Variants in PHACTR3 observed in about 807,000 individuals in gnomAD.
The protein encoded by PHACTR3 is protein phosphatase 1, regulatory subunit 123.
Under a neutral mutation model 66.8 loss-of-function variants are expected in PHACTR3, and 16 were observed. That is an observed-to-expected ratio of 0.24 (90% CI 0.16 to 0.36). The LOEUF (loss-of-function observed/expected upper bound fraction) is 0.36. Among genes scored for constraint, PHACTR3 ranks in the 10% least tolerant of loss-of-function variants. PHACTR3 has a pLI of 1.00. For synonymous variants in PHACTR3, 323 were observed against 292.1 expected (o/e 1.11, Z -1.08); for missense variants, 647 against 719.9 (o/e 0.90, Z 1.16).
Position 59,834,863 on chromosome 20 carries a change from C to T in PHACTR3, c.1329-1642C>T, listed in dbSNP as rs554671467. ...CATCCAATCTTTCAGCTTCCCTGGG[C>T]CACACTGGAAGAATTGTCTTGAGCC... On this transcript the variant is annotated intron_variant, in intron 8 of 12. Transcript: ENST00000371015. 1.2e-4 allele frequency among the ~76,000 whole-genome samples: 19 copies of T among 152,292 alleles called. No individual in the cohort carries two copies. In the South Asian group the frequency reaches 3.7e-3, roughly 30 times the overall value.
In PHACTR3 at chr20:59,638,289, T is replaced by C. The variant is rs899655678; in HGVS notation, c.118+33157T>C. On this transcript the variant is annotated intron_variant, in intron 1 of 12. Coordinates refer to ENST00000371015, the MANE Select transcript of PHACTR3 (RefSeq NM_080672.5). ...CATAGCCTTGTGAGGACAGGGACAG[T>C]ATCCAGTTTGTTATCCATCCCTTAT... Among the ~76,000 whole-genome samples the C allele has an allele frequency of 7.9e-5, 12 of 152,344 alleles. No individual in the cohort carries two copies. In the East Asian group the frequency reaches 1.7e-3, roughly 22 times the overall value.
intron 1 of PHACTR3, among the ~76,000 whole-genome samples, chr20:59,660,483 C>A (rs2035773748): frequency 6.6e-6 from 1 of 152,132 alleles, no homozygotes; most frequent in Non-Finnish European, 1.5e-5. Context: ...GACAGCGAGA[C>A]TCCGTCTCAA....
chr20:59,635,152 T>TTC lies in PHACTR3; in HGVS notation c.118+30020_118+30021insTC, dbSNP rs1568948888. On this transcript the variant is annotated intron_variant, in intron 1 of 12. Transcript: ENST00000371015. ...CTTTCTTTCTTTCTTTCTTTCTTTT[T>TTC]CTTTCTTTCTTTCTTTCCTTTCTTT... Among the ~76,000 whole-genome samples the TTC allele has an allele frequency of 3.2e-3, 118 of 36,498 alleles. 2 individuals carry two copies. Among genetic ancestry groups the TTC allele is most frequent in the South Asian group, 9.0e-3 (11 of 1,222 alleles). The allele number at this position is 36,498 out of a possible 152,430, so 23.9% of individuals were successfully genotyped here.
intron 1 of PHACTR3, among the ~76,000 whole-genome samples, chr20:59,681,000 G>T (rs76063877): frequency 0.028 from 4,279 of 152,198 alleles, 80 homozygotes; most frequent in Middle Eastern, 0.065. Context: ...GGATGCTGTG[G>T]CATCTGCCCA....
chr20:59,805,942 TCCTC>T, intron 7 of PHACTR3, 95 bp from the exon 8 acceptor site: 2 of 1,334,530 alleles, frequency 1.5e-6, no homozygotes, highest in Non-Finnish European at 2.1e-6. Flanking sequence ...CTGGAGTCCT[TCCTC>T]TGGCAGGTGG....
chr20:59,833,005 C>T (rs1600739584), intron 8 of PHACTR3, among the ~76,000 whole-genome samples: 1 of 152,324 alleles, frequency 6.6e-6, no homozygotes, highest in East Asian at 1.9e-4. Flanking sequence ...GTGAGAACCA[C>T]AGGGAGGGTC....
At chr20:59,755,495 TAAGCG>T in intron 4 of PHACTR3, 131 bp downstream of exon 4, 3 of 1,056,348 alleles carry the variant, frequency 2.8e-6, no homozygotes, top group Non-Finnish European at 4.0e-6. Context: ...GCCCGTGCTC[TAAGCG>T]CTGCCATGCT....
chr20:59,635,309 A>G (rs1417387434), intron 1 of PHACTR3, among the ~76,000 whole-genome samples: 1 of 141,230 alleles, frequency 7.1e-6, no homozygotes, highest in Non-Finnish European at 1.5e-5. Context: ...ATCTCGGCTC[A>G]CTGCAACCTC....
Position 59,755,266 on chromosome 20 carries a change from C to T in PHACTR3, c.443C>T (p.Thr148Ile), listed in dbSNP as rs1601277899. The part of the protein sequence containing the change: ...EPPTPKSETL[T>I]SEDAQPGSPL... ...CCCACTCCCAAGTCGGAGACGCTGACTTCAGAAGATGCCCAGCCCGGAAGC... is the reference window on the plus strand; with the variant it reads ...CCCACTCCCAAGTCGGAGACGCTGATTTCAGAAGATGCCCAGCCCGGAAGC... The change falls in exon 4 of 13, where the codon ACT becomes ATT. Residue 148 changes from threonine (T) to isoleucine (I), a missense_variant. Around this residue, in one of 2 missense-constraint regions of PHACTR3, gnomAD observed 577 missense variants for 571.1 expected, o/e 1.01. Coordinates refer to ENST00000371015, the MANE Select transcript of PHACTR3 (RefSeq NM_080672.5). 6.2e-7 allele frequency: 1 copy of T among 1,613,806 alleles called. No individual in the cohort carries two copies. Among genetic ancestry groups the T allele is most frequent in the Non-Finnish European group, 8.5e-7 (1 of 1,180,046 alleles).
chr20:59,650,844 C>A (rs1177809620), intron 1 of PHACTR3, among the ~76,000 whole-genome samples: 1 of 151,344 alleles, frequency 6.6e-6, no homozygotes, highest in Non-Finnish European at 1.5e-5. Flanking sequence ...CCAGAAGTTG[C>A]CCTAGTTGTT....
intron 1 of PHACTR3, among the ~76,000 whole-genome samples, chr20:59,633,399 G>A (rs2034738693): frequency 6.6e-6 from 1 of 152,110 alleles, no homozygotes; most frequent in South Asian, 2.1e-4. Context: ...ACTAACACAG[G>A]AACAGAAAAC....
chr20:59,712,527 A>G (rs1016807366), intron 1 of PHACTR3, among the ~76,000 whole-genome samples: 7 of 152,066 alleles, frequency 4.6e-5, no homozygotes, highest in African/African-American at 1.7e-4. Flanking sequence ...AGTTCCAGTG[A>G]CTGTTGCAAA....
At chr20:59,748,275 T>G (rs114228079) in intron 3 of PHACTR3, among the ~76,000 whole-genome samples, 8,227 of 152,206 alleles carry the variant, frequency 0.054, 339 homozygotes, top group African/African-American at 0.12. Context: ...CAGGACATGC[T>G]GGGGCGGGGT....
upstream of PHACTR3, chr20:59,604,506 A>T: frequency 5.4e-6 from 3 of 553,688 alleles, no homozygotes; most frequent in Non-Finnish European, 6.8e-6. Flanking sequence ...GAGAATCCTA[A>T]TGTTTTCCAA....
chr20:59,689,940 T>C (rs2037049114), intron 1 of PHACTR3, among the ~76,000 whole-genome samples: 1 of 152,168 alleles, frequency 6.6e-6, no homozygotes, highest in Non-Finnish European at 1.5e-5. Flanking sequence ...ATCCTGAGCC[T>C]TCCAGCTTCC....
intron 1 of PHACTR3, among the ~76,000 whole-genome samples, chr20:59,646,155 C>T (rs1452660089): frequency 6.6e-6 from 1 of 152,176 alleles, no homozygotes; most frequent in African/African-American, 2.4e-5. Context: ...AGGCTCAAGT[C>T]CCCTGAAGTG....
intron 1 of PHACTR3, among the ~76,000 whole-genome samples, chr20:59,582,132 C>T (rs958126286): frequency 1.3e-5 from 2 of 152,216 alleles, no homozygotes; most frequent in East Asian, 1.9e-4. Flanking sequence ...CGCCACCTTT[C>T]GCCCTTCCCC....
At chr20:59,702,775 A>G (rs1290393750) in intron 1 of PHACTR3, among the ~76,000 whole-genome samples, 1 of 152,174 alleles carries the variant, frequency 6.6e-6, no homozygotes, top group Non-Finnish European at 1.5e-5. Flanking sequence ...ATCTACACAT[A>G]TTGTATTCAT....
intron 1 of PHACTR3, among the ~76,000 whole-genome samples, chr20:59,697,667 G>A (rs1441890756): frequency 6.6e-6 from 1 of 152,142 alleles, no homozygotes; most frequent in African/African-American, 2.4e-5. Context: ...TAAGAAAGGA[G>A]CAGAGATTAG....
Sources: gnomAD v4.1 joint callset for allele counts (sites outside exome capture counted in the v4.1 genomes callset) on GRCh38, gnomAD v4.1.1 for gene constraint, gnomAD v4.1.1 regional missense constraint, MANE v1.5 for transcripts, NCBI Gene and HGNC (gene_info 2026-07-23, HGNC 2026-07-21) for gene names.